SND1: variants seen among roughly 807,000 people sequenced by gnomAD.
The protein encoded by SND1 is staphylococcal nuclease and tudor domain containing 1, also known as staphylococcal nuclease domain-containing protein 1.
SND1 carries 38 observed loss-of-function variants against 121.7 expected under a neutral mutation model. The observed-to-expected ratio is 0.31, with a 90% CI of 0.24 to 0.41. The LOEUF (loss-of-function observed/expected upper bound fraction) is 0.41, where lower values mean the gene tolerates loss of function less well. Ranked by LOEUF, SND1 falls within the 10% of genes least tolerant of loss-of-function variation. SND1 has a pLI of 1.00. For synonymous variants in SND1, 401 were observed against 447.4 expected, an observed-to-expected ratio of 0.90 and a Z score of 1.31; for missense variants, 868 against 1,184.6, an observed-to-expected ratio of 0.73 and a Z score of 3.92.
rs138506583 is a variant in SND1 at position 127,771,057 on chromosome 7, G to A, written c.1153-36427G>A. Among the ~76,000 whole-genome samples the A allele has an allele frequency of 3.9e-3, 594 of 152,272 alleles. 17 individuals are homozygous for A. Among genetic ancestry groups the A allele is most frequent in the Admixed American group, 0.03 (461 of 15,286 alleles). ...ATGGAAGCATCAAACAGCTGTCACT[G>A]TGTAGCATCTTTTCCAGGCACCAGG... On this transcript the variant is annotated intron_variant, in intron 10 of 23. Transcript: ENST00000354725.
chr7:127,769,722 A>G (rs1156962907), intron 10 of SND1, among the ~76,000 whole-genome samples: 3 of 152,148 alleles, frequency 2.0e-5, no homozygotes, highest in African/African-American at 7.2e-5. Context: ...ATATAAATGC[A>G]TATATAGATA....
intron 16 of SND1, among the ~76,000 whole-genome samples, chr7:128,074,074 C>G (rs1793462673): frequency 6.6e-6 from 1 of 152,202 alleles, no homozygotes; most frequent in South Asian, 2.1e-4. Context: ...TCATTCAGCT[C>G]TACCAGGAAA....
At chr7:127,869,523 C>T (rs1799538832) in intron 12 of SND1, among the ~76,000 whole-genome samples, 1 of 152,058 alleles carries the variant, frequency 6.6e-6, no homozygotes, top group Admixed American at 6.6e-5. Flanking sequence ...TTTCTTGTCT[C>T]CTTTCAGTAA....
chr7:127,786,411 C>T (rs1322992309), intron 10 of SND1, among the ~76,000 whole-genome samples: 1 of 152,136 alleles, frequency 6.6e-6, no homozygotes, highest in Non-Finnish European at 1.5e-5. Context: ...AATTTCTCTG[C>T]CCACTCCTTG....
intron 15 of SND1, among the ~76,000 whole-genome samples, chr7:127,938,647 T>A (rs2116834820): frequency 6.6e-6 from 1 of 152,334 alleles, no homozygotes; most frequent in African/African-American, 2.4e-5. Flanking sequence ...AATGGACATA[T>A]TAATCAATCA....
At chr7:127,669,194 G>T (rs1447530179) in intron 1 of SND1, among the ~76,000 whole-genome samples, 1 of 152,068 alleles carries the variant, frequency 6.6e-6, no homozygotes, top group Non-Finnish European at 1.5e-5. Flanking sequence ...GGTTTCACCA[G>T]GTTGGCCAGG....
chr7:127,860,470 C>A (rs573783091), intron 12 of SND1, among the ~76,000 whole-genome samples: 1 of 152,172 alleles, frequency 6.6e-6, no homozygotes. Context: ...ATAGTTAATT[C>A]TTAGTGATCT....
At chr7:127,768,015 A>G (rs1228051336) in intron 10 of SND1, among the ~76,000 whole-genome samples, 2 of 152,120 alleles carry the variant, frequency 1.3e-5, no homozygotes, top group Admixed American at 6.5e-5. Flanking sequence ...ATTCTGTTCA[A>G]CCCCTTTCCA....
chr7:127,652,434 C>G lies in SND1; in HGVS notation c.61C>G (p.Arg21Gly). The G allele has an allele frequency of 6.3e-7, 1 of 1,585,266 alleles. No homozygotes were observed. Among genetic ancestry groups the G allele is most frequent in the Non-Finnish European group, 8.6e-7 (1 of 1,166,098 alleles). The part of the protein sequence containing the change: ...SGGPAVPTVQ[R>G]GIIKMVLSGC... ...GGGACCCGCGGTCCCCACCGTGCAG[C>G]GGGGCATCATCAAGATGGTGAGAAC... is the stretch of plus-strand genomic sequence containing the variant. Residue 21 changes from arginine (R) to glycine (G), a missense_variant, in exon 1 of 24, where the codon CGG (arginine) becomes GGG (glycine). Physicochemically the swap from Arg to Gly is moderately radical, Grantham distance 125. Around this residue, in one of 2 missense-constraint regions of SND1, gnomAD observed 125 missense variants for 113.3 expected, o/e 1.10. Coordinates refer to ENST00000354725, the MANE Select transcript of SND1 (RefSeq NM_014390.4).
chr7:128,016,351 G>T (rs1803225077), intron 16 of SND1, among the ~76,000 whole-genome samples: 1 of 151,878 alleles, frequency 6.6e-6, no homozygotes, highest in Non-Finnish European at 1.5e-5. Flanking sequence ...AACTTGGGGT[G>T]TTTTCTTCAG....
chr7:127,885,567 G>T (rs889514624), intron 12 of SND1, among the ~76,000 whole-genome samples: 26 of 152,122 alleles, frequency 1.7e-4, no homozygotes, highest in African/African-American at 5.8e-4. Flanking sequence ...GACATTTGCT[G>T]ATAGGATAAA....
chr7:128,040,901 T>C (rs886800822), intron 16 of SND1, among the ~76,000 whole-genome samples: 7 of 152,258 alleles, frequency 4.6e-5, no homozygotes, highest in African/African-American at 1.7e-4. Context: ...GCTAATTGTT[T>C]TCAATTGTAT....
intron 16 of SND1, among the ~76,000 whole-genome samples, chr7:128,034,274 G>A (rs1461352272): frequency 6.6e-6 from 1 of 152,224 alleles, no homozygotes; most frequent in East Asian, 1.9e-4. Context: ...GAGACGGGCT[G>A]AGAAAATGAA....
intron 15 of SND1, among the ~76,000 whole-genome samples, chr7:127,932,712 C>G (rs1020696777): frequency 4.6e-5 from 7 of 152,194 alleles, no homozygotes; most frequent in Non-Finnish European, 1.0e-4. Context: ...AACCACCACC[C>G]TGATCAGTCA....
chr7:127,773,420 C>G (rs1797553101), intron 10 of SND1, among the ~76,000 whole-genome samples: 1 of 149,234 alleles, frequency 6.7e-6, no homozygotes, highest in Non-Finnish European at 1.5e-5. Flanking sequence ...CCACTGCACT[C>G]TAGCCTGGGT....
intron 18 of SND1, among the ~76,000 whole-genome samples, chr7:128,083,201 T>C (rs1793634674): frequency 6.6e-6 from 1 of 152,198 alleles, no homozygotes; most frequent in Non-Finnish European, 1.5e-5. Flanking sequence ...TGCCATTAGC[T>C]GCAAATGACC....
rs992798342 is a variant in SND1 at position 128,086,873 on chromosome 7, C to G, written c.2305-65C>G. ...TTCCCAGAGGCCTGGCCACAGAGAGCTGTCCTGTGAGAGAGCAAGGGGGCA... is the reference window on the plus strand; with the variant it reads ...TTCCCAGAGGCCTGGCCACAGAGAGGTGTCCTGTGAGAGAGCAAGGGGGCA... On this transcript the variant is annotated intron_variant, in intron 20 of 23. Transcript: ENST00000354725. The G allele has an allele frequency of 7.7e-5, 100 of 1,290,906 alleles. No homozygotes were observed. In the African/African-American group the frequency reaches 1.4e-3, roughly 18 times the overall value. 80.0% of individuals were successfully genotyped at this position (1,290,906 alleles called of 1,614,324 possible).
In SND1 at chr7:128,017,625, T is replaced by A. The variant is rs552098329; in HGVS notation, c.1779+26569T>A. Reference sequence around the variant, plus strand: ...ACTCCCCGTGCCACACCTGATCCCATCTCAAGTCATTTCACACCAGCAGAG... The same window carrying A: ...ACTCCCCGTGCCACACCTGATCCCAACTCAAGTCATTTCACACCAGCAGAG... On this transcript the variant is annotated intron_variant, in intron 16 of 23. Transcript: ENST00000354725. Among the ~76,000 whole-genome samples the A allele has an allele frequency of 1.9e-3, 289 of 152,274 alleles. 1 individual carries two copies. Among genetic ancestry groups the A allele is most frequent in the Middle Eastern group, 3.4e-3 (1 of 294 alleles).
chr7:127,735,115 C>T (rs1438322715), intron 10 of SND1, among the ~76,000 whole-genome samples: 2 of 152,140 alleles, frequency 1.3e-5, no homozygotes, highest in South Asian at 2.1e-4. Flanking sequence ...TCCTCTACCC[C>T]GTCCTTGGGA....
Sources: allele counts gnomAD v4.1 joint callset (sites outside exome capture counted in the v4.1 genomes callset), GRCh38; gene constraint gnomAD v4.1.1; regional missense constraint gnomAD v4.1.1; transcripts MANE v1.5; gene names NCBI Gene and HGNC (gene_info 2026-07-23, HGNC 2026-07-21).